The following FCRL3 variants were observed in gnomAD, a reference collection of about 807,000 sequenced individuals.
The protein encoded by FCRL3 is Fc receptor-like protein 3.
In FCRL3, 89 loss-of-function variants were observed where a neutral mutation model predicts 75.0. The ratio of observed to expected loss-of-function variants is 1.19; its 90% CI spans 1.00 to 1.42. The LOEUF (loss-of-function observed/expected upper bound fraction) is 1.42. Ranked by LOEUF, FCRL3 falls within the 40% of genes most tolerant of loss-of-function variation. FCRL3 has a pLI of 0.00. For missense variants in FCRL3, 946 were observed against 880.0 expected (o/e 1.07, Z -0.95); for synonymous variants, 376 against 348.5 (o/e 1.08, Z -0.88).
In FCRL3 at chr1:157,699,798, T is replaced by A. The variant is rs369665938; in HGVS notation, c.32-86A>T. ...CACAACCACTTCTTTTGTTTTTCCT[T>A]ATCATTTCTTTGCTCCCTTTTTATA... is the stretch of plus-strand genomic sequence containing the variant. On this transcript the variant is annotated intron_variant, in intron 2 of 14. Coordinates refer to ENST00000368184, the MANE Select transcript of FCRL3 (RefSeq NM_052939.4). 60 of 1,443,046 alleles carry A rather than the reference T, an allele frequency of 4.2e-5. No homozygotes were observed. The East Asian group carries it at 5.5e-4, about 13-fold the overall frequency. 89.4% of individuals were successfully genotyped at this position (1,443,046 alleles called of 1,614,324 possible).
Position 157,697,400 on chromosome 1 carries a change from C to G in FCRL3, c.584G>C (p.Arg195Thr), listed in dbSNP as rs77395825. 9.0e-6 allele frequency: 14 copies of G among 1,554,936 alleles called. No homozygotes were observed. Among genetic ancestry groups the G allele is most frequent in the East Asian group, 2.2e-5 (1 of 44,462 alleles). Reference sequence around the variant, plus strand: ...CTCTATGGGCGTGGAAGAGCTGGCTCTCAGCACAGGATGTAGAAACAGCTC... The same window carrying G: ...CTCTATGGGCGTGGAAGAGCTGGCTGTCAGCACAGGATGTAGAAACAGCTC... Reference protein sequence around the residue: ...VQELFLHPVLRASSSTPIEGS... With the variant: ...VQELFLHPVLTASSSTPIEGS... The change falls in exon 6 of 15, where the codon AGA becomes ACA. Residue 195 changes from arginine (R) to threonine (T), a missense_variant. By Grantham distance (71) the Arg-to-Thr change is moderately conservative. Coordinates refer to ENST00000368184, the MANE Select transcript of FCRL3 (RefSeq NM_052939.4).
intron 8 of FCRL3, among the ~76,000 whole-genome samples, chr1:157,690,993 ATCTG>A (rs1468564954): frequency 6.9e-6 from 1 of 144,824 alleles, no homozygotes; most frequent in Admixed American, 6.9e-5. Flanking sequence ...ACTACCTGAC[ATCTG>A]TCTATGTATG....
intron 4 of FCRL3, 145 bp downstream of exon 4, chr1:157,698,239 G>A (rs1246869982): frequency 4.0e-6 from 4 of 1,007,108 alleles, no homozygotes; most frequent in Non-Finnish European, 5.9e-6. Context: ...TCATGCTGCT[G>A]CCCTATCTCT....
intron 3 of FCRL3, among the ~76,000 whole-genome samples, chr1:157,699,429 A>G (rs1037075647): frequency 1.3e-5 from 2 of 152,018 alleles, no homozygotes; most frequent in African/African-American, 4.8e-5. Context: ...CTTCATCATC[A>G]GCCTCTTGCC....
intron 6 of FCRL3, 89 bp from the exon 7 acceptor site, chr1:157,696,416 T>C: frequency 7.1e-7 from 1 of 1,404,382 alleles, no homozygotes; most frequent in African/African-American, 1.4e-5. Context: ...AATAGGCCAA[T>C]AGCAGCAGGT....
At position 157,678,699 on chromosome 1, in the gene FCRL3, T is replaced by G. The variant is rs1331674895; in HGVS notation, c.*11A>C. The stretch of plus-strand genomic sequence containing the variant: ...GCAGGCTGTTTCCTGTGGGCCACTC[T>G]GGGTAAGGGGCTAGTGGTCTGAGGC... On this transcript the variant is annotated 3_prime_UTR_variant, in exon 15 of 15. Transcript: ENST00000368184. 2 of 1,612,510 alleles carry G rather than the reference T, an allele frequency of 1.2e-6. No individual in the cohort carries two copies. The highest frequency in any genetic ancestry group is 2.7e-5 in the African/African-American group (2 of 74,862).
At chr1:157,696,541 C>G (rs1426727849) in intron 6 of FCRL3, 2 of 570,470 alleles carry the variant, frequency 3.5e-6, no homozygotes, top group East Asian at 2.8e-5. Context: ...ATGTGGGCAC[C>G]AAGTCCATAA....
rs1654557218 is a variant in FCRL3, at chr1:157,677,842, G to C, written c.*868C>G. ...ATATGATAGAAATAGGAGAGCATGG[G>C]AATAATGAACATGAGATTTAGAATG... On this transcript the variant is annotated 3_prime_UTR_variant, in exon 15 of 15. Coordinates refer to ENST00000368184, the MANE Select transcript of FCRL3 (RefSeq NM_052939.4). 1 of 609,616 alleles carries C rather than the reference G, an allele frequency of 1.6e-6. No individual in the cohort carries two copies. Among genetic ancestry groups the C allele is most frequent in the Non-Finnish European group, 2.1e-6 (1 of 487,672 alleles). The allele number at this position is 609,616 out of a possible 1,614,324, so 37.8% of individuals were successfully genotyped here.
chr1:157,682,512 A>G (rs1336851941), intron 11 of FCRL3, among the ~76,000 whole-genome samples: 1 of 152,232 alleles, frequency 6.6e-6, no homozygotes, highest in Non-Finnish European at 1.5e-5. Flanking sequence ...CAGAAGACTT[A>G]TGGCACAAGG....
intron 13 of FCRL3, 73 bp from the exon 14 acceptor site, chr1:157,679,046 T>G: frequency 6.6e-7 from 1 of 1,510,186 alleles, no homozygotes; most frequent in South Asian, 1.1e-5. Context: ...GTACGCACAC[T>G]GCATTCCAAA....
chr1:157,688,963 T>C (rs1655339868), intron 10 of FCRL3, among the ~76,000 whole-genome samples: 1 of 152,188 alleles, frequency 6.6e-6, no homozygotes, highest in South Asian at 2.1e-4. Flanking sequence ...TTACAAAAAT[T>C]TATTTGTGTA....
At position 157,697,818 on chromosome 1, in the gene FCRL3, A is replaced by G; in HGVS notation, c.400T>C (p.Tyr134His). Residue 134 changes from tyrosine (Y) to histidine (H), a missense_variant, in exon 5 of 15, where the codon TAC (tyrosine) becomes CAC (histidine). By Grantham distance (83) the Tyr-to-His change is moderately conservative (BLOSUM62 2). Coordinates refer to ENST00000368184, the MANE Select transcript of FCRL3 (RefSeq NM_052939.4). ...DNKNTHQKVY[Y>H]KDGKQLPNSY... ...TTAGGAAGCTGTTTTCCATCCTTGT[A>G]GTAAACCTTTTGATGAGTGTTTTTG... The G allele has an allele frequency of 6.2e-7, 1 of 1,614,176 alleles. No homozygotes were observed. Among genetic ancestry groups the G allele is most frequent in the South Asian group, 1.1e-5 (1 of 91,076 alleles).
chr1:157,697,690 T>TA lies in FCRL3; in HGVS notation c.527dup (p.Thr177AsnfsTer36). Reference sequence around the variant, plus strand: ...CTTGGATATTTAGGGGTTTTGAAGTTACTTCAATGTCAAGTATGTAAAACT... The same window carrying TA: ...CTTGGATATTTAGGGGTTTTGAAGTTAACTTCAATGTCAAGTATGTAAAACT... On this transcript the variant is annotated frameshift_variant, in exon 5 of 15. Transcript: ENST00000368184. LOFTEE classifies it high-confidence loss of function. 6.2e-7 allele frequency: 1 copy of TA among 1,613,904 alleles called. No homozygotes were observed. The highest frequency in any genetic ancestry group is 1.3e-5 in the African/African-American group (1 of 75,026).
At position 157,677,699 on chromosome 1, in the gene FCRL3, C is replaced by A; in HGVS notation, c.*1011G>T. 2.7e-6 allele frequency: 2 copies of A among 742,406 alleles called. No individual in the cohort carries two copies. The highest frequency in any genetic ancestry group is 3.3e-6 in the Non-Finnish European group (2 of 608,810). The allele number at this position is 742,406 out of a possible 1,614,324, so 46.0% of individuals were successfully genotyped here. A position where few individuals can be genotyped will look rare whatever the true frequency, so the allele number is the denominator to read the frequency against. ...GCAACACGCAACAATATGGATGAAT[C>A]TTAGAAATACAACATGAAGAGAAAG... is the stretch of plus-strand genomic sequence containing the variant. On this transcript the variant is annotated 3_prime_UTR_variant, in exon 15 of 15. Transcript: ENST00000368184.
In FCRL3 at chr1:157,695,477, A is replaced by T; in HGVS notation, c.1263T>A (p.Asp421Glu). The T allele has an allele frequency of 6.2e-7, 1 of 1,614,180 alleles. No individual in the cohort carries two copies. Among genetic ancestry groups the T allele is most frequent in the East Asian group, 2.2e-5 (1 of 44,876 alleles). ...PPILYRFYHE[D>E]VTLGNSSAPS... Reference sequence around the variant, plus strand: ...GGGCTGAGCTGTTCCCCAGGGTGACATCCTCATGATAAAATCGGTACAGGA... The same window carrying T: ...GGGCTGAGCTGTTCCCCAGGGTGACTTCCTCATGATAAAATCGGTACAGGA... The change falls in exon 8 of 15, where the codon GAT becomes GAA. Residue 421 changes from aspartate (D) to glutamate (E), a missense_variant. Transcript: ENST00000368184.
chr1:157,679,506 A>C (rs914251128), intron 13 of FCRL3, among the ~76,000 whole-genome samples: 1 of 152,154 alleles, frequency 6.6e-6, no homozygotes, highest in African/African-American at 2.4e-5. Context: ...GAGAAAATTT[A>C]GTGTGTGTGT....
Position 157,697,348 on chromosome 1 carries a change from C to A in FCRL3, c.636G>T (p.Glu212Asp). The A allele has an allele frequency of 6.2e-7, 1 of 1,609,170 alleles. No homozygotes were observed. The change falls in exon 6 of 15, where the codon GAG (glutamate) becomes GAT (aspartate). Residue 212 changes from glutamate (E) to aspartate (D), a missense_variant. Transcript: ENST00000368184. ...IEGSPMTLTC[E>D]TQLSPQRPDV... ...CTGGCCTCTGTGGAGAGAGCTGGGT[C>A]TCACAGGTCAGGGTCATGGGACTCC...
intron 4 of FCRL3, 93 bp downstream of exon 4, chr1:157,698,291 G>T (rs1656089280): frequency 2.0e-6 from 3 of 1,475,328 alleles, no homozygotes; most frequent in Non-Finnish European, 2.8e-6. Context: ...CCCCATGTCT[G>T]CTTACAACTC....
chr1:157,697,524 G>A lies in FCRL3; in HGVS notation c.560-100C>T, dbSNP rs1310880565. On this transcript the variant is annotated intron_variant, in intron 5 of 14. Coordinates refer to ENST00000368184, the MANE Select transcript of FCRL3 (RefSeq NM_052939.4). ...GCACCAGCCATCAGGAGATAGAGAA[G>A]CATGCAGAAGGAACCATCTCCCTCC... The A allele has an allele frequency of 2.7e-6, 4 of 1,464,284 alleles. No homozygotes were observed. In the African/African-American group the frequency reaches 5.7e-5, roughly 21 times the overall value. 90.7% of individuals were successfully genotyped at this position (1,464,284 alleles called of 1,614,324 possible).
Sources: gnomAD v4.1 joint callset for allele counts (sites outside exome capture counted in the v4.1 genomes callset) on GRCh38, gnomAD v4.1.1 for gene constraint, MANE v1.5 for transcripts, NCBI Gene and HGNC (gene_info 2026-07-23, HGNC 2026-07-21) for gene names.